Variants in PLD1 observed in about 807,000 individuals in gnomAD.
PLD1 encodes phospholipase D1.
PLD1 carries 112 observed loss-of-function variants against 137.1 expected under a neutral mutation model. The observed-to-expected ratio is 0.82, with a 90% confidence interval of 0.70 to 0.96. The LOEUF is 0.96. PLD1 is among the 40% of genes least tolerant of loss of function. The pLI, the probability that PLD1 is intolerant of heterozygous loss-of-function variation, is 0.00. For missense variants in PLD1, 1,321 were observed against 1,342.0 expected (o/e 0.98, Z 0.24); for synonymous variants, 431 against 454.7 (o/e 0.95, Z 0.66).
chr3:171,799,531 G>A (rs1723565534), intron 1 of PLD1, among the ~76,000 whole-genome samples: 1 of 152,096 alleles, frequency 6.6e-6, no homozygotes, highest in African/African-American at 2.4e-5. Context: ...ATTAAAGGAA[G>A]TAAAGGGAAT....
chr3:171,802,713 C>G (rs550665351), intron 1 of PLD1, among the ~76,000 whole-genome samples: 1 of 152,206 alleles, frequency 6.6e-6, no homozygotes, highest in African/African-American at 2.4e-5. Flanking sequence ...ACGCTAGCTG[C>G]CTTCCTAGTT....
chr3:171,662,460 C>T (rs954982461), intron 19 of PLD1, among the ~76,000 whole-genome samples: 1 of 152,162 alleles, frequency 6.6e-6, no homozygotes, highest in African/African-American at 2.4e-5. Flanking sequence ...AAACTGGAAA[C>T]CACAAATTGT....
chr3:171,688,517 T>A (rs1266692241), intron 14 of PLD1, among the ~76,000 whole-genome samples, 159 bp downstream of exon 14: 2 of 152,240 alleles, frequency 1.3e-5, no homozygotes, highest in Non-Finnish European at 2.9e-5. Context: ...GAAGCTGGTG[T>A]TTGAAACCAG....
intron 12 of PLD1, among the ~76,000 whole-genome samples, chr3:171,693,937 C>G (rs1715448035): frequency 6.6e-6 from 1 of 152,106 alleles, no homozygotes; most frequent in African/African-American, 2.4e-5. Flanking sequence ...GCTATACGAT[C>G]TAACATAACA....
At chr3:171,646,675 CAAAAAA>C (rs77696811) in intron 21 of PLD1, among the ~76,000 whole-genome samples, 93 of 89,524 alleles carry the variant, frequency 1.0e-3, no homozygotes, top group African/African-American at 2.8e-3. Flanking sequence ...AAAGAACAGA[CAAAAAA>C]AAAAAAAAAG....
At chr3:171,787,561 A>G (rs1188185106) in intron 1 of PLD1, among the ~76,000 whole-genome samples, 1 of 152,188 alleles carries the variant, frequency 6.6e-6, no homozygotes, top group African/African-American at 2.4e-5. Context: ...CAAGAAAGGA[A>G]TCTAAAATAC....
chr3:171,756,461 C>T (rs1019455163), intron 1 of PLD1, among the ~76,000 whole-genome samples: 10 of 152,078 alleles, frequency 6.6e-5, no homozygotes, highest in Non-Finnish European at 1.2e-4. Flanking sequence ...CTTAATGGGA[C>T]CACCAGAATT....
At chr3:171,639,407 T>C (rs868393023) in intron 23 of PLD1, among the ~76,000 whole-genome samples, 1 of 126,314 alleles carries the variant, frequency 7.9e-6, no homozygotes, top group South Asian at 2.2e-4. Flanking sequence ...TATATATTTA[T>C]ATATAATTTT....
intron 11 of PLD1, among the ~76,000 whole-genome samples, chr3:171,700,662 C>T (rs1459143561): frequency 1.3e-5 from 2 of 152,178 alleles, no homozygotes; most frequent in African/African-American, 4.8e-5. Flanking sequence ...AATAGATACA[C>T]AGACACATGA....
intron 21 of PLD1, among the ~76,000 whole-genome samples, chr3:171,648,982 T>G (rs1736499337): frequency 6.6e-6 from 1 of 152,138 alleles, no homozygotes; most frequent in South Asian, 2.1e-4. Flanking sequence ...TCAAAGTAAC[T>G]ATTTTGATAT....
rs144748395 is a variant in PLD1 at position 171,737,598 on chromosome 3, C to T, written c.222G>A (p.Thr74=). 7.0e-5 allele frequency: 113 copies of T among 1,609,662 alleles called. No homozygotes were observed. The East Asian group carries it at 1.6e-3, about 23-fold the overall frequency. The change falls in exon 3 of 27, where the codon ACG becomes ACA. Residue 74 remains threonine (T), a synonymous_variant. Coordinates refer to ENST00000351298, the MANE Select transcript of PLD1 (RefSeq NM_002662.5). ...TQGFKEPNIQ[T]YLSGCPIKAQ... is the part of the protein sequence containing the mutation. ...CTTTTATTGGACAGCCGGAGAGATA[C>T]GTCTGTATATTAGGCTCCTTAAATC...
chr3:171,723,261 A>T (rs2108236133), intron 8 of PLD1, among the ~76,000 whole-genome samples: 1 of 152,240 alleles, frequency 6.6e-6, no homozygotes, highest in East Asian at 1.9e-4. Context: ...TTATTTAACT[A>T]AACATAATGA....
At chr3:171,642,937 C>T (rs1578172909) in intron 22 of PLD1, 48 bp from the exon 23 acceptor site, 2 of 1,007,058 alleles carry the variant, frequency 2.0e-6, no homozygotes, top group Non-Finnish European at 3.1e-6. Context: ...TCAAAACAAC[C>T]AATCCCATGC....
chr3:171,777,389 C>A (rs1013233512), intron 1 of PLD1, among the ~76,000 whole-genome samples: 1 of 152,146 alleles, frequency 6.6e-6, no homozygotes, highest in Non-Finnish European at 1.5e-5. Context: ...GAGCTGCTTG[C>A]GTGTAAGGGA....
intron 20 of PLD1, among the ~76,000 whole-genome samples, 169 bp from the exon 21 acceptor site, chr3:171,659,470 C>T (rs1194970073): frequency 6.6e-6 from 1 of 152,186 alleles, no homozygotes; most frequent in Non-Finnish European, 1.5e-5. Flanking sequence ...CCTCATCTCA[C>T]TCAGGGTCTC....
chr3:171,665,139 G>C (rs557036385), intron 19 of PLD1, among the ~76,000 whole-genome samples: 1 of 152,204 alleles, frequency 6.6e-6, no homozygotes, highest in East Asian at 1.9e-4. Context: ...ATTCACATAA[G>C]ATACACATGA....
At chr3:171,754,461 G>A (rs553760728) in intron 1 of PLD1, among the ~76,000 whole-genome samples, 1 of 152,122 alleles carries the variant, frequency 6.6e-6, no homozygotes, top group Non-Finnish European at 1.5e-5. Flanking sequence ...GTTGGTCTGA[G>A]ACTCAGTCCT....
intron 1 of PLD1, among the ~76,000 whole-genome samples, chr3:171,766,707 C>G (rs557232436): frequency 6.6e-6 from 1 of 152,232 alleles, no homozygotes; most frequent in East Asian, 1.9e-4. Flanking sequence ...TACACTCCTA[C>G]CTAGAAAATT....
intron 24 of PLD1, among the ~76,000 whole-genome samples, chr3:171,614,192 T>C (rs1324119032): frequency 6.6e-6 from 1 of 152,146 alleles, no homozygotes; most frequent in Non-Finnish European, 1.5e-5. Context: ...AGAGAAAGGA[T>C]CGAGCACCCT....
Sources: gnomAD v4.1 joint callset for allele counts (sites outside exome capture counted in the v4.1 genomes callset) on GRCh38, gnomAD v4.1.1 for gene constraint, MANE v1.5 for transcripts, NCBI Gene and HGNC (gene_info 2026-07-23, HGNC 2026-07-21) for gene names.